The following AK5 variants were observed in gnomAD, a reference collection of about 807,000 sequenced individuals.
AK5 encodes adenylate kinase isoenzyme 5.
A neutral mutation model predicts 69.5 loss-of-function variants in AK5; 27 were observed. That is an observed-to-expected ratio of 0.39 (90% CI 0.29 to 0.54). AK5 has a LOEUF of 0.54. Ranked by LOEUF, AK5 falls within the 20% of genes least tolerant of loss-of-function variation. The pLI is 0.71. For synonymous variants in AK5, 260 were observed against 244.4 expected (o/e 1.06, Z -0.60); for missense variants, 531 against 700.4 (o/e 0.76, Z 2.73).
chr1:77,408,667 C>A (rs370196008), intron 6 of AK5, among the ~76,000 whole-genome samples: 35 of 152,158 alleles, frequency 2.3e-4, no homozygotes, highest in African/African-American at 7.7e-4. Flanking sequence ...AACTTATAAT[C>A]TGCATATTTT....
At chr1:77,417,074 G>A (rs145962703) in intron 7 of AK5, among the ~76,000 whole-genome samples, 153 of 152,204 alleles carry the variant, frequency 1.0e-3, no homozygotes, top group African/African-American at 2.4e-3. Flanking sequence ...AAGTTAACCC[G>A]ATTTTTCTTA....
intron 13 of AK5, among the ~76,000 whole-genome samples, chr1:77,536,969 ATCCT>A (rs1659005896): frequency 6.6e-6 from 1 of 152,208 alleles, no homozygotes; most frequent in Non-Finnish European, 1.5e-5. Flanking sequence ...CCCAGTCCTC[ATCCT>A]TCCACTCATC....
At chr1:77,386,375 T>C (rs1236172823) in intron 6 of AK5, among the ~76,000 whole-genome samples, 1 of 152,124 alleles carries the variant, frequency 6.6e-6, no homozygotes, top group African/African-American at 2.4e-5. Flanking sequence ...CTTCAGTTCA[T>C]GGAGAAGGGG....
intron 8 of AK5, among the ~76,000 whole-genome samples, chr1:77,418,020 C>T (rs1334257486): frequency 1.3e-5 from 2 of 152,182 alleles, no homozygotes; most frequent in Admixed American, 1.3e-4. Context: ...TCCCTTCCCA[C>T]TAATAAACTA....
At chr1:77,442,908 T>C (rs1652419113) in intron 8 of AK5, among the ~76,000 whole-genome samples, 2 of 152,214 alleles carry the variant, frequency 1.3e-5, no homozygotes, top group South Asian at 4.2e-4. Flanking sequence ...TTGTGTAAAA[T>C]TGTGGGGTTT....
intron 6 of AK5, among the ~76,000 whole-genome samples, chr1:77,407,924 C>T (rs779833368): frequency 1.4e-4 from 22 of 152,160 alleles, no homozygotes; most frequent in Non-Finnish European, 2.9e-4. Context: ...AGCATAATGG[C>T]TTCCAGATGC....
chr1:77,520,669 C>T (rs569084453), intron 11 of AK5, among the ~76,000 whole-genome samples: 3 of 152,360 alleles, frequency 2.0e-5, no homozygotes, highest in Non-Finnish European at 2.9e-5. Context: ...CCTTCCCTGA[C>T]CACCCTATAG....
At chr1:77,513,950 G>GAAA (rs1295969023) in intron 10 of AK5, among the ~76,000 whole-genome samples, 2 of 152,204 alleles carry the variant, frequency 1.3e-5, no homozygotes, top group Non-Finnish European at 2.9e-5. Flanking sequence ...GTACCGAAGA[G>GAAA]AAGGCAGACT....
intron 6 of AK5, among the ~76,000 whole-genome samples, chr1:77,353,186 A>G (rs371073543): frequency 7.9e-5 from 12 of 152,258 alleles, no homozygotes; most frequent in African/African-American, 2.9e-4. Flanking sequence ...TATTAAAATT[A>G]TTTAGTGCCA....
At chr1:77,419,585 G>T (rs965915826) in intron 8 of AK5, among the ~76,000 whole-genome samples, 1 of 152,182 alleles carries the variant, frequency 6.6e-6, no homozygotes, top group East Asian at 1.9e-4. Context: ...TTCAATTAAC[G>T]GTTGAATAGT....
intron 1 of AK5, among the ~76,000 whole-genome samples, chr1:77,283,963 A>G (rs1327031280): frequency 6.6e-6 from 1 of 152,204 alleles, no homozygotes; most frequent in African/African-American, 2.4e-5. Flanking sequence ...GGTGGAAGGT[A>G]ACCACAGAGA....
intron 6 of AK5, among the ~76,000 whole-genome samples, chr1:77,398,713 C>T (rs116253038): frequency 2.2e-4 from 33 of 152,224 alleles, no homozygotes; most frequent in African/African-American, 7.7e-4. Context: ...TTAACGCTTT[C>T]TTTACCAAGT....
At chr1:77,476,540 T>G (rs564225952) in intron 8 of AK5, among the ~76,000 whole-genome samples, 209 of 152,316 alleles carry the variant, frequency 1.4e-3, no homozygotes, top group African/African-American at 4.7e-3. Context: ...AATGAATCCA[T>G]CTTCGTTTCT....
chr1:77,374,258 T>C (rs915700415), intron 6 of AK5, among the ~76,000 whole-genome samples: 9 of 152,162 alleles, frequency 5.9e-5, no homozygotes, highest in Non-Finnish European at 1.2e-4. Flanking sequence ...CAAAATGCCC[T>C]TGGGCTTGCT....
chr1:77,338,174 A>G (rs12057706), intron 5 of AK5, among the ~76,000 whole-genome samples: 15,193 of 152,058 alleles, frequency 0.1, 954 homozygotes, highest in East Asian at 0.2. Context: ...CATTTTGGCC[A>G]GACTGGTCTC....
intron 5 of AK5, among the ~76,000 whole-genome samples, chr1:77,306,906 C>T (rs1264068671): frequency 6.6e-6 from 1 of 151,936 alleles, no homozygotes; most frequent in East Asian, 1.9e-4. Flanking sequence ...ACTAATGATC[C>T]TTGAATTTCT....
chr1:77,369,934 G>A (rs538070170), intron 6 of AK5, among the ~76,000 whole-genome samples: 8 of 152,290 alleles, frequency 5.3e-5, no homozygotes, highest in South Asian at 4.1e-4. Flanking sequence ...GCCAATAAAT[G>A]GCATTTGCAA....
intron 6 of AK5, among the ~76,000 whole-genome samples, chr1:77,367,557 T>TATACA (rs1557532485): frequency 3.4e-5 from 2 of 59,378 alleles, no homozygotes. Flanking sequence ...TATGTTATTT[T>TATACA]TATATATATA....
chr1:77,457,778 C>T (rs559341971), intron 8 of AK5, among the ~76,000 whole-genome samples: 1 of 152,226 alleles, frequency 6.6e-6, no homozygotes, highest in Admixed American at 6.5e-5. Context: ...TTCGTGTGTG[C>T]CTGGGGGCCA....
Sources: gnomAD v4.1 joint callset for allele counts (sites outside exome capture counted in the v4.1 genomes callset) on GRCh38, gnomAD v4.1.1 for gene constraint, MANE v1.5 for transcripts, NCBI Gene and HGNC (gene_info 2026-07-23, HGNC 2026-07-21) for gene names.